The following SYNPO2 variants were observed in gnomAD, a reference collection of about 807,000 sequenced individuals.
The protein encoded by SYNPO2 is synaptopodin-2.
Under a neutral mutation model 85.0 loss-of-function variants are expected in SYNPO2, and 56 were observed. The ratio of observed to expected loss-of-function variants is 0.66; its 90% confidence interval spans 0.53 to 0.82. SYNPO2 has a LOEUF of 0.82. SYNPO2 is among the 40% of genes least tolerant of loss of function. SYNPO2 has a pLI of 0.00. For synonymous variants in SYNPO2, 602 were observed against 591.1 expected, an observed-to-expected ratio of 1.02 and a Z score of -0.27; for missense variants, 1,575 against 1,534.2, an observed-to-expected ratio of 1.03 and a Z score of -0.44.
rs549315911 is a variant in SYNPO2 at position 118,898,967 on chromosome 4, T to C, written c.105+9826T>C. ...ATGCTTGGAGAAATTGTACTTACCC[T>C]GGAAATCTCTGTTAAAGTCAGTTCT... On this transcript the variant is annotated intron_variant, in intron 1 of 4. Coordinates refer to ENST00000307142, the MANE Select transcript of SYNPO2 (RefSeq NM_133477.3). Among the ~76,000 whole-genome samples the C allele has an allele frequency of 2.6e-5, 4 of 152,346 alleles. No individual in the cohort carries two copies. The East Asian group carries it at 7.7e-4, about 29-fold the overall frequency.
intron 1 of SYNPO2, among the ~76,000 whole-genome samples, chr4:119,022,684 TTAATTG>T (rs1413340657): frequency 1.4e-5 from 2 of 147,282 alleles, no homozygotes; most frequent in African/African-American, 4.9e-5. Flanking sequence ...TTATTTTATT[TTAATTG>T]TATTTTATTT....
intron 1 of SYNPO2, among the ~76,000 whole-genome samples, chr4:119,012,393 T>TTTTTATTTTTTTTTA (rs1553946399): frequency 7.6e-6 from 1 of 130,822 alleles, no homozygotes; most frequent in Non-Finnish European, 1.6e-5. Flanking sequence ...TTTTTTTTTT[T>TTTTTATTTTTTTTTA]ATTTTACTTT....
At chr4:118,937,174 A>G (rs1043344062) in intron 1 of SYNPO2, among the ~76,000 whole-genome samples, 1 of 152,186 alleles carries the variant, frequency 6.6e-6, no homozygotes, top group Admixed American at 6.5e-5. Flanking sequence ...AGGATGAAAT[A>G]CAAAATTCCT....
chr4:118,976,456 T>C (rs1735742919), intron 1 of SYNPO2, among the ~76,000 whole-genome samples: 2 of 152,134 alleles, frequency 1.3e-5, no homozygotes, highest in South Asian at 4.1e-4. Context: ...TTCCACACTG[T>C]GGAAGGGGAC....
intron 1 of SYNPO2, among the ~76,000 whole-genome samples, chr4:118,901,478 G>C (rs1732753689): frequency 6.6e-6 from 1 of 152,114 alleles, no homozygotes; most frequent in Non-Finnish European, 1.5e-5. Flanking sequence ...AAGCAGTAAT[G>C]GTATTAATCT....
intron 1 of SYNPO2, among the ~76,000 whole-genome samples, chr4:118,927,725 TAGATA>T (rs1156546694): frequency 6.6e-6 from 1 of 150,644 alleles, no homozygotes; most frequent in East Asian, 1.9e-4. Context: ...GATAGATAGA[TAGATA>T]GATAGATAGA....
intron 1 of SYNPO2, among the ~76,000 whole-genome samples, chr4:118,947,769 T>C (rs1018449434): frequency 2.6e-5 from 4 of 152,052 alleles, no homozygotes; most frequent in African/African-American, 9.7e-5. Flanking sequence ...TTCATAGCAC[T>C]GTGTGTGTGT....
intron 3 of SYNPO2, 64 bp from the exon 4 acceptor site, chr4:119,029,781 T>C (rs1327406846): frequency 6.8e-7 from 1 of 1,467,868 alleles, no homozygotes; most frequent in Non-Finnish European, 9.0e-7. Flanking sequence ...CATTTCTGAG[T>C]TGCTGTGGTG....
intron 1 of SYNPO2, among the ~76,000 whole-genome samples, chr4:118,933,826 G>GTGGTTT (rs1553939084): frequency 1.8e-4 from 4 of 22,038 alleles, no homozygotes; most frequent in Admixed American, 5.6e-4. Context: ...TGCTGTTGTT[G>GTGGTTT]TTGTTTTTTT....
chr4:119,038,593 C>G, intron 4 of SYNPO2: 12 of 978,148 alleles, frequency 1.2e-5, no homozygotes, highest in Non-Finnish European at 1.5e-5. Flanking sequence ...AGTAGTGAAT[C>G]AGCACCTAGC....
At chr4:118,973,749 C>T (rs533821203) in intron 1 of SYNPO2, among the ~76,000 whole-genome samples, 19 of 152,226 alleles carry the variant, frequency 1.2e-4, no homozygotes, top group Non-Finnish European at 2.1e-4. Flanking sequence ...ATTTTCCTAA[C>T]CACAATTTTG....
chr4:118,915,743 A>G (rs1039046205), intron 1 of SYNPO2, among the ~76,000 whole-genome samples: 1 of 152,214 alleles, frequency 6.6e-6, no homozygotes, highest in Admixed American at 6.5e-5. Flanking sequence ...CATGCTTAGG[A>G]GAAAATGCCA....
chr4:118,888,866 A>T lies in SYNPO2; in HGVS notation c.-171A>T. On this transcript the variant is annotated 5_prime_UTR_variant, in exon 1 of 5. Transcript: ENST00000307142. ...GAGCCCATTAGCCGCACAAATTCGC[A>T]GCAGGCGGCTGGGGCGGCGGCTGGG... 3.0e-6 allele frequency: 2 copies of T among 660,540 alleles called. No individual in the cohort carries two copies. Among genetic ancestry groups the T allele is most frequent in the Non-Finnish European group, 5.3e-6 (2 of 380,352 alleles). The allele number at this position is 660,540 out of a possible 1,614,324, so 40.9% of individuals were successfully genotyped here. A position where few individuals can be genotyped will look rare whatever the true frequency, so the allele number is the denominator to read the frequency against.
At position 119,030,967 on chromosome 4, in the gene SYNPO2, C is replaced by G; in HGVS notation, c.2192C>G (p.Pro731Arg). The G allele has an allele frequency of 1.2e-6, 2 of 1,614,108 alleles. No individual in the cohort carries two copies. Among genetic ancestry groups the G allele is most frequent in the East Asian group, 4.5e-5 (2 of 44,890 alleles). Reference protein sequence around the residue: ...RGTGAGGDSGPEEDYLSLGAE... With the variant: ...RGTGAGGDSGREEDYLSLGAE... ...ACTGGAGCTGGAGGTGATTCCGGACCGGAAGAAGACTACCTCAGCTTGGGG... is the reference window on the plus strand; with the variant it reads ...ACTGGAGCTGGAGGTGATTCCGGACGGGAAGAAGACTACCTCAGCTTGGGG... Residue 731 changes from proline (P) to arginine (R), a missense_variant, in exon 4 of 5, where the codon CCG becomes CGG. Transcript: ENST00000307142.
intron 1 of SYNPO2, chr4:119,006,444 G>A (rs1044181202): frequency 4.6e-5 from 7 of 152,194 alleles, no homozygotes; most frequent in Admixed American, 3.9e-4. Flanking sequence ...GGAAGCCTTG[G>A]GGATTACTAA....
At chr4:119,021,621 A>AT (rs1737725988) in intron 1 of SYNPO2, among the ~76,000 whole-genome samples, 2 of 152,216 alleles carry the variant, frequency 1.3e-5, no homozygotes, top group Admixed American at 1.3e-4. Context: ...CCAGCAGGAA[A>AT]TAGGTGGCAT....
At chr4:119,036,041 A>T (rs1738499580) in intron 4 of SYNPO2, 1 of 985,416 alleles carries the variant, frequency 1.0e-6, no homozygotes, top group African/African-American at 1.7e-5. Context: ...TCTCAAATAA[A>T]GGCCCTTGGC....
intron 4 of SYNPO2, among the ~76,000 whole-genome samples, chr4:119,050,539 C>T (rs987027783): frequency 2.0e-5 from 3 of 152,110 alleles, no homozygotes; most frequent in Non-Finnish European, 2.9e-5. Context: ...CTCTACTTCA[C>T]GGGGTTGTGA....
chr4:118,895,891 T>A (rs900693334), intron 1 of SYNPO2, among the ~76,000 whole-genome samples: 7 of 152,216 alleles, frequency 4.6e-5, no homozygotes, highest in African/African-American at 1.7e-4. Flanking sequence ...AATTTATATA[T>A]TTGGCTAAAA....
Sources: allele counts gnomAD v4.1 joint callset (sites outside exome capture counted in the v4.1 genomes callset), GRCh38; gene constraint gnomAD v4.1.1; transcripts MANE v1.5; gene names NCBI Gene and HGNC (gene_info 2026-07-23, HGNC 2026-07-21).